Variants in YIPF4 observed in about 807,000 individuals in gnomAD.
YIPF4 encodes the protein protein YIPF4.
In YIPF4, 18 loss-of-function variants were observed where a neutral mutation model predicts 29.4. That is an observed-to-expected ratio of 0.61 (90% CI 0.42 to 0.91). The LOEUF (loss-of-function observed/expected upper bound fraction) is 0.91. Among genes scored for constraint, YIPF4 ranks in the 40% least tolerant of loss-of-function variants. YIPF4 has a pLI of 0.00. For missense variants in YIPF4, 279 were observed against 282.7 expected (o/e 0.99, Z 0.09); for synonymous variants, 115 against 104.7 (o/e 1.10, Z -0.60).
Position 32,305,928 on chromosome 2 carries a change from C to T in YIPF4, c.*302C>T. 5 of 1,019,024 alleles carry T rather than the reference C, an allele frequency of 4.9e-6. No homozygotes were observed. Among genetic ancestry groups the T allele is most frequent in the Non-Finnish European group, 5.9e-6 (5 of 852,598 alleles). The allele number at this position is 1,019,024 out of a possible 1,614,324, so 63.1% of individuals were successfully genotyped here. On this transcript the variant is annotated 3_prime_UTR_variant, in exon 6 of 6. Coordinates refer to ENST00000238831, the MANE Select transcript of YIPF4 (RefSeq NM_032312.4). ...TTCACCTAAAAACTTGTGCCAAAAG[C>T]ACCTGGATTGGTAATTATATTTCAC...
intron 1 of YIPF4, among the ~76,000 whole-genome samples, chr2:32,279,097 A>G (rs2030257000): frequency 1.3e-5 from 2 of 151,172 alleles, no homozygotes; most frequent in Non-Finnish European, 2.9e-5. Context: ...CCTCCCGAGT[A>G]GCTGGGGCTA....
chr2:32,306,245 A>C lies in YIPF4; in HGVS notation c.*619A>C, dbSNP rs2148968653. ...CATGCTTCGATACTTCCTTGTTAAG[A>C]ATTCTTAATAACTACTAAAACTGAT... On this transcript the variant is annotated 3_prime_UTR_variant, in exon 6 of 6. Coordinates refer to ENST00000238831, the MANE Select transcript of YIPF4 (RefSeq NM_032312.4). 1 of 940,898 alleles carries C rather than the reference A, an allele frequency of 1.1e-6. No individual in the cohort carries two copies. Among genetic ancestry groups the C allele is most frequent in the African/African-American group, 1.8e-5 (1 of 56,406 alleles). 58.3% of individuals were successfully genotyped at this position (940,898 alleles called of 1,614,324 possible).
Position 32,308,722 on chromosome 2 carries a change from C to G in YIPF4, c.*3096C>G. On this transcript the variant is annotated 3_prime_UTR_variant, in exon 6 of 6. Transcript: ENST00000238831. ...GAGTGAAACTCCATCTCAAGAAAAA[C>G]ACAAAATACAAAACAAAACAAAACA... The G allele has an allele frequency of 6.8e-6, 1 of 147,078 alleles. No individual in the cohort carries two copies. The highest frequency in any genetic ancestry group is 1.5e-5 in the Non-Finnish European group (1 of 67,302). The allele number at this position is 147,078 out of a possible 1,614,324, so 9.1% of individuals were successfully genotyped here. A position where few individuals can be genotyped will look rare whatever the true frequency, so the allele number is the denominator to read the frequency against.
In YIPF4 at chr2:32,309,990, CTTTTG is replaced by C. The variant is rs1365537616; in HGVS notation, c.*4369_*4373del. The C allele has an allele frequency of 6.6e-6, 1 of 152,056 alleles. No homozygotes were observed. Among genetic ancestry groups the C allele is most frequent in the Non-Finnish European group, 1.5e-5 (1 of 67,988 alleles). 9.4% of individuals were successfully genotyped at this position (152,056 alleles called of 1,614,324 possible). A position where few individuals can be genotyped will look rare whatever the true frequency, so the allele number is the denominator to read the frequency against. On this transcript the variant is annotated 3_prime_UTR_variant, in exon 6 of 6. Coordinates refer to ENST00000238831, the MANE Select transcript of YIPF4 (RefSeq NM_032312.4). ...CAGGCTTAAGCCACCGTGCCCGGCA[CTTTTG>C]TTTTTAAAATAATATCTTACTTTCA...
Position 32,309,265 on chromosome 2 carries a change from C to T in YIPF4, c.*3639C>T, listed in dbSNP as rs577275639. ...CTTCAGATAAGAACATTTTTGAGTG[C>T]CGATGTGACACTTTAAAGGAAATGT... On this transcript the variant is annotated 3_prime_UTR_variant, in exon 6 of 6. Transcript: ENST00000238831. 2.6e-5 allele frequency: 4 copies of T among 152,136 alleles called. No individual in the cohort carries two copies. The East Asian group carries it at 7.7e-4, about 29-fold the overall frequency. 9.4% of individuals were successfully genotyped at this position (152,136 alleles called of 1,614,324 possible).
rs200654668 is a variant in YIPF4, at chr2:32,305,771, AT to A, written c.*154del. 1.9e-4 allele frequency: 240 copies of A among 1,239,532 alleles called. No homozygotes were observed. Among genetic ancestry groups the A allele is most frequent in the East Asian group, 6.4e-4 (20 of 31,406 alleles). The allele number at this position is 1,239,532 out of a possible 1,614,324, so 76.8% of individuals were successfully genotyped here. ...GGAAGTCTAAGCGCTTTTTAAAACA[AT>A]TTTTTTTTGTATTTAATTAAGCAAT... On this transcript the variant is annotated 3_prime_UTR_variant, in exon 6 of 6. Coordinates refer to ENST00000238831, the MANE Select transcript of YIPF4 (RefSeq NM_032312.4).
intron 1 of YIPF4, among the ~76,000 whole-genome samples, chr2:32,288,540 G>A (rs1289197121): frequency 6.6e-6 from 1 of 152,094 alleles, no homozygotes; most frequent in African/African-American, 2.4e-5. Context: ...CTGGCGCGGT[G>A]GCTCACACCT....
intron 4 of YIPF4, among the ~76,000 whole-genome samples, chr2:32,299,991 G>T (rs1416720984): frequency 6.6e-6 from 1 of 152,142 alleles, no homozygotes; most frequent in African/African-American, 2.4e-5. Flanking sequence ...AAATTGCTGG[G>T]CGCGGTAGCT....
intron 1 of YIPF4, among the ~76,000 whole-genome samples, chr2:32,285,096 T>C (rs974524788): frequency 1.3e-5 from 2 of 152,142 alleles, no homozygotes; most frequent in African/African-American, 4.8e-5. Flanking sequence ...CAGGAGTTGA[T>C]GGTTTGCATG....
At position 32,308,909 on chromosome 2, in the gene YIPF4, T is replaced by G. The variant is rs1475019579; in HGVS notation, c.*3283T>G. On this transcript the variant is annotated 3_prime_UTR_variant, in exon 6 of 6. Transcript: ENST00000238831. ...AGCCGGGCATGGTGGCGGGCGCCTG[T>G]AGTCCCAGCTACTTGGGAGGCTGAG... 1 of 151,010 alleles carries G rather than the reference T, an allele frequency of 6.6e-6. No individual in the cohort carries two copies. The highest frequency in any genetic ancestry group is 1.5e-5 in the Non-Finnish European group (1 of 68,048). The allele number at this position is 151,010 out of a possible 1,614,324, so 9.4% of individuals were successfully genotyped here.
rs146718656 is a variant in YIPF4, at chr2:32,297,158, C to G, written c.406-1076C>G. 7.3e-3 allele frequency among the ~76,000 whole-genome samples: 1,103 copies of G among 151,430 alleles called. 13 individuals are homozygous for G. Among genetic ancestry groups the G allele is most frequent in the African/African-American group, 0.026 (1,062 of 41,250 alleles). ...TTTTTTCTTGAAATGGTGTTTCACT[C>G]TTGTCGCTCAGGCTGGAGTGCAATG... On this transcript the variant is annotated intron_variant, in intron 3 of 5. Coordinates refer to ENST00000238831, the MANE Select transcript of YIPF4 (RefSeq NM_032312.4).
chr2:32,277,932 G>A lies in YIPF4; in HGVS notation c.-224G>A, dbSNP rs2030166544. On this transcript the variant is annotated 5_prime_UTR_variant, in exon 1 of 6. Coordinates refer to ENST00000238831, the MANE Select transcript of YIPF4 (RefSeq NM_032312.4). ...ACTGTTATGGTCCTGTCAGGGTGCC[G>A]GCGTCGTGGTGCTTGGGTGGTCGCC... The A allele has an allele frequency of 3.8e-6, 2 of 524,310 alleles. No individual in the cohort carries two copies. The highest frequency in any genetic ancestry group is 4.0e-5 in the Admixed American group (1 of 24,956). The allele number at this position is 524,310 out of a possible 1,614,324, so 32.5% of individuals were successfully genotyped here.
At chr2:32,294,311 G>A (rs559933645) in intron 3 of YIPF4, among the ~76,000 whole-genome samples, 10 of 151,724 alleles carry the variant, frequency 6.6e-5, no homozygotes, top group Admixed American at 5.2e-4. Flanking sequence ...CTTCTCAGAC[G>A]GGGCGGCTGC....
chr2:32,306,155 TAA>T lies in YIPF4; in HGVS notation c.*530_*531del. On this transcript the variant is annotated 3_prime_UTR_variant, in exon 6 of 6. Coordinates refer to ENST00000238831, the MANE Select transcript of YIPF4 (RefSeq NM_032312.4). The stretch of plus-strand genomic sequence containing the variant: ...TGCACAAACTTTTTAATTTGGCCAT[TAA>T]TCTTTTTTATTTAAAAATTTAAATT... 1.2e-6 allele frequency: 1 copy of T among 807,028 alleles called. No homozygotes were observed. The highest frequency in any genetic ancestry group is 1.5e-6 in the Non-Finnish European group (1 of 667,414). The allele number at this position is 807,028 out of a possible 1,614,324, so 50.0% of individuals were successfully genotyped here. A position where few individuals can be genotyped will look rare whatever the true frequency, so the allele number is the denominator to read the frequency against.
At chr2:32,292,723 G>A (rs1010948651) in intron 3 of YIPF4, among the ~76,000 whole-genome samples, 2 of 152,002 alleles carry the variant, frequency 1.3e-5, no homozygotes, top group African/African-American at 2.4e-5. Context: ...AAGTATCTGG[G>A]TGTGGTGGTG....
chr2:32,287,056 C>T (rs1370005887), intron 1 of YIPF4, among the ~76,000 whole-genome samples: 3 of 152,022 alleles, frequency 2.0e-5, no homozygotes, highest in Non-Finnish European at 1.5e-5. Flanking sequence ...ACCAGACTGG[C>T]CAACATGTTG....
intron 1 of YIPF4, among the ~76,000 whole-genome samples, chr2:32,283,879 G>T (rs112059062): frequency 6.6e-6 from 1 of 151,682 alleles, no homozygotes; most frequent in Non-Finnish European, 1.5e-5. Context: ...CACCATGCTC[G>T]GCTAATTTTT....
intron 5 of YIPF4, among the ~76,000 whole-genome samples, chr2:32,303,021 C>A (rs902195270): frequency 6.6e-6 from 1 of 152,118 alleles, no homozygotes; most frequent in Non-Finnish European, 1.5e-5. Flanking sequence ...TCAATTTGTT[C>A]TTAACAATGG....
In YIPF4 at chr2:32,315,540, G is replaced by A. The variant is rs542989192; in HGVS notation, c.*9914G>A. 1.4e-4 allele frequency: 21 copies of A among 152,292 alleles called. No individual in the cohort carries two copies. The highest frequency in any genetic ancestry group is 5.1e-4 in the African/African-American group (21 of 41,498). The allele number at this position is 152,292 out of a possible 1,614,324, so 9.4% of individuals were successfully genotyped here. On this transcript the variant is annotated 3_prime_UTR_variant, in exon 6 of 6. Coordinates refer to ENST00000238831, the MANE Select transcript of YIPF4 (RefSeq NM_032312.4). ...CGAGGCGGGCGGATCCTGAGGTCAG[G>A]AGATCGAGACCATCCTGGTTAACGT...
Sources: allele counts gnomAD v4.1 joint callset (sites outside exome capture counted in the v4.1 genomes callset), GRCh38; gene constraint gnomAD v4.1.1; transcripts MANE v1.5; gene names NCBI Gene and HGNC (gene_info 2026-07-23, HGNC 2026-07-21).